The following PHEX variants were observed in gnomAD, a reference collection of about 807,000 sequenced individuals.
The protein encoded by PHEX is phosphate regulating endopeptidase X-linked.
In PHEX, 16 loss-of-function variants were observed where a neutral mutation model predicts 68.0. That is an observed-to-expected ratio of 0.24 (90% CI 0.16 to 0.36). The LOEUF (loss-of-function observed/expected upper bound fraction) is 0.36, where lower values mean the gene tolerates loss of function less well. PHEX is among the 10% of genes least tolerant of loss of function. The pLI, the probability that PHEX is intolerant of heterozygous loss-of-function variation, is 1.00. For missense variants in PHEX, 480 were observed against 575.5 expected (o/e 0.83, Z 1.70); for synonymous variants, 208 against 205.1 (o/e 1.01, Z -0.12).
chrX:22,237,915 C>A (rs749515159), intron 20 of PHEX, among the ~76,000 whole-genome samples: 2 of 112,719 alleles, frequency 1.8e-5, no homozygotes, highest in Non-Finnish European at 3.7e-5. Context: ...AGAAACAACA[C>A]GACAAAGTTT....
chrX:22,218,234 C>G (rs1935154635), intron 16 of PHEX, among the ~76,000 whole-genome samples: 1 of 111,384 alleles, frequency 9.0e-6, no homozygotes, highest in Admixed American at 9.5e-5. Context: ...ATGGAAGCTA[C>G]TAAGTTTCTT....
intron 15 of PHEX, among the ~76,000 whole-genome samples, chrX:22,211,927 C>G (rs1697530124): frequency 9.0e-6 from 1 of 111,713 alleles, no homozygotes; most frequent in Admixed American, 9.5e-5. Context: ...ACCATGAGAA[C>G]AGTATGGGGG....
At chrX:22,113,047 G>GTGTT (rs1556030020) in intron 10 of PHEX, among the ~76,000 whole-genome samples, 49 of 90,299 alleles carry the variant, frequency 5.4e-4, no homozygotes, top group African/African-American at 3.6e-3. Flanking sequence ...GTGTGTGTGT[G>GTGTT]TGTGTGTTTG....
At chrX:22,190,834 T>C (rs1934175600) in intron 15 of PHEX, among the ~76,000 whole-genome samples, 1 of 111,395 alleles carries the variant, frequency 9.0e-6, no homozygotes, top group Admixed American at 9.6e-5. Flanking sequence ...TTTTATTCAT[T>C]CCTAGGATTG....
chrX:22,232,623 T>C (rs1435497195), intron 20 of PHEX, among the ~76,000 whole-genome samples: 25 of 78,643 alleles, frequency 3.2e-4, no homozygotes, highest in African/African-American at 1.4e-3. Flanking sequence ...TTTTTTTTTT[T>C]TTTGCTTTCC....
At chrX:22,053,709 T>A (rs1321493178) in intron 3 of PHEX, among the ~76,000 whole-genome samples, 1 of 111,904 alleles carries the variant, frequency 8.9e-6, no homozygotes, top group Non-Finnish European at 1.9e-5. Flanking sequence ...GACAGATGAC[T>A]CAAGGTACGG....
chrX:22,207,365 TA>T (rs1934744513), intron 15 of PHEX, among the ~76,000 whole-genome samples: 1 of 112,196 alleles, frequency 8.9e-6, no homozygotes, highest in African/African-American at 3.2e-5. Flanking sequence ...AAGAACAAAA[TA>T]ATACTATATA....
Position 22,076,419 on chromosome X carries a change from G to A in PHEX, c.381G>A (p.Arg127=), listed in dbSNP as rs1236793312. The change falls in exon 4 of 22, where the codon CGG becomes CGA. Residue 127 remains arginine (R), a synonymous_variant. Coordinates refer to ENST00000379374, the MANE Select transcript of PHEX (RefSeq NM_000444.6). ...TGGAGAAATCAATCAGTAGAAGGCGGGACACCGAAGCCATACAGAAAGCCA... is the reference window on the plus strand; with the variant it reads ...TGGAGAAATCAATCAGTAGAAGGCGAGACACCGAAGCCATACAGAAAGCCA... ...ELLEKSISRR[R]DTEAIQKAKI... 2 of 1,207,228 alleles carry A rather than the reference G, an allele frequency of 1.7e-6. No homozygotes were observed. The highest frequency in any genetic ancestry group is 4.4e-5 in the Admixed American group (2 of 45,754).
chrX:22,141,585 A>C (rs1268403510), intron 12 of PHEX, among the ~76,000 whole-genome samples: 1 of 111,081 alleles, frequency 9.0e-6, no homozygotes, highest in East Asian at 2.8e-4. Flanking sequence ...AAACAAACAA[A>C]AAAAAAAACC....
chrX:22,192,274 T>A (rs1176839256), intron 15 of PHEX, among the ~76,000 whole-genome samples: 1 of 111,788 alleles, frequency 8.9e-6, no homozygotes, highest in Non-Finnish European at 1.9e-5. Flanking sequence ...ATGCAGGGGA[T>A]GGAATTTATC....
Position 22,091,671 on chromosome X carries a change from C to T in PHEX, c.732+1174C>T, listed in dbSNP as rs140583832. 9.9e-3 allele frequency among the ~76,000 whole-genome samples: 1,103 copies of T among 111,829 alleles called. 20 individuals are homozygous for T. Among genetic ancestry groups the T allele is most frequent in the African/African-American group, 0.035 (1,063 of 30,765 alleles). ...CATGACTTTATCCCAAGTCATCTTT[C>T]CTATCTCATCTGGATTTGTTCTTCC... On this transcript the variant is annotated intron_variant, in intron 6 of 21. Coordinates refer to ENST00000379374, the MANE Select transcript of PHEX (RefSeq NM_000444.6).
chrX:22,168,366 C>A lies in PHEX; in HGVS notation c.1459C>A (p.His487Asn), dbSNP rs1933406838. The change falls in exon 13 of 22, where the codon CAT becomes AAT. Residue 487 changes from histidine to asparagine, a missense_variant. Physicochemically the swap from His to Asn is moderately conservative, Grantham distance 68. Transcript: ENST00000379374. The stretch of plus-strand genomic sequence containing the variant: ...TCCAGAGTTTATAATGAATGATACT[C>A]ATGTTAATGAAGACCTCAAAGCTGT... ...GYPEFIMNDT[H>N]VNEDLKAIKF... The A allele has an allele frequency of 3.4e-6, 4 of 1,185,311 alleles. No individual in the cohort carries two copies. The South Asian group carries it at 7.1e-5, about 21-fold the overall frequency.
intron 3 of PHEX, among the ~76,000 whole-genome samples, chrX:22,074,685 A>G (rs1342749601): frequency 1.8e-5 from 2 of 111,343 alleles, no homozygotes; most frequent in African/African-American, 6.5e-5. Context: ...TGTAAGCAAT[A>G]TAGTGGAAGG....
intron 20 of PHEX, among the ~76,000 whole-genome samples, chrX:22,228,892 C>G (rs1267191890): frequency 9.0e-6 from 1 of 111,396 alleles, no homozygotes; most frequent in African/African-American, 3.3e-5. Context: ...CCAACCAACC[C>G]TCTGACAGGC....
intron 3 of PHEX, among the ~76,000 whole-genome samples, chrX:22,048,337 A>G (rs775688943): frequency 1.3e-4 from 15 of 111,474 alleles, no homozygotes; most frequent in Non-Finnish European, 2.6e-4. Flanking sequence ...AAAATCATAA[A>G]TAAGACCTTG....
Position 22,247,818 on chromosome X carries a change from A to G in PHEX, c.2148-33A>G, listed in dbSNP as rs759407878. On this transcript the variant is annotated intron_variant, in intron 21 of 21. Transcript: ENST00000379374. ...CAGAACCTGTTGATGTGCAAGAATT[A>G]TATGACATATGCTTTGACATATCGT... 8 of 967,081 alleles carry G rather than the reference A, an allele frequency of 8.3e-6. No individual in the cohort carries two copies. In the Admixed American group the frequency reaches 1.3e-4, roughly 16 times the overall value. The allele number at this position is 967,081 out of a possible 1,213,427, so 79.7% of individuals were successfully genotyped here.
At chrX:22,218,902 G>A (rs1380696752) in intron 16 of PHEX, 134 bp from the exon 17 acceptor site, 1 of 491,362 alleles carries the variant, frequency 2.0e-6, no homozygotes, top group Non-Finnish European at 3.6e-6. Flanking sequence ...CAGCTTTATG[G>A]GTATGGTTAT....
chrX:22,138,129 C>T (rs190009864), intron 12 of PHEX, among the ~76,000 whole-genome samples: 2 of 112,971 alleles, frequency 1.8e-5, no homozygotes, highest in African/African-American at 3.2e-5. Context: ...CCCAAATGAA[C>T]TGCTCGCACT....
chrX:22,133,453 A>G (rs936232643), intron 11 of PHEX, 70 bp from the exon 12 acceptor site: 15 of 830,440 alleles, frequency 1.8e-5, no homozygotes, highest in Non-Finnish European at 2.5e-5. Context: ...ATGCAAGCCA[A>G]TTTTGTTCCA....
Sources: gnomAD v4.1 joint callset for allele counts (sites outside exome capture counted in the v4.1 genomes callset) on GRCh38, gnomAD v4.1.1 for gene constraint, MANE v1.5 for transcripts, NCBI Gene and HGNC (gene_info 2026-07-23, HGNC 2026-07-21) for gene names.